Variants in TMEM272 observed in about 807,000 individuals in gnomAD.
TMEM272 encodes transmembrane protein 272.
TMEM272 carries 8 observed loss-of-function variants against 3.7 expected under a neutral mutation model. That is an observed-to-expected ratio of 2.17 (90% CI 1.27 to 3.91). TMEM272 has a LOEUF of 3.91. Among genes scored for constraint, TMEM272 ranks in the 30% most tolerant of loss-of-function variants. The pLI is 0.00. For missense variants in TMEM272, 166 were observed against 91.5 expected, an observed-to-expected ratio of 1.81 and a Z score of -3.32; for synonymous variants, 63 against 39.8, an observed-to-expected ratio of 1.58 and a Z score of -2.20.
intron 2 of TMEM272, among the ~76,000 whole-genome samples, chr13:51,827,575 T>C (rs574630425): frequency 1.3e-5 from 2 of 152,016 alleles, no homozygotes; most frequent in Non-Finnish European, 2.9e-5. Context: ...CAGTTCCCAC[T>C]GTCAGAGTCT....
At chr13:51,892,188 T>C in the TMEM272 span, among the ~76,000 whole-genome samples, 4 of 152,280 alleles carry the variant, frequency 2.6e-5, no homozygotes, top group Admixed American at 6.5e-5. Context: ...AGGACTAGTC[T>C]CTGCCCCTCA....
the TMEM272 span, among the ~76,000 whole-genome samples, chr13:51,899,640 A>G: frequency 6.6e-6 from 1 of 152,224 alleles, no homozygotes; most frequent in Non-Finnish European, 1.5e-5. Flanking sequence ...GTAGAAATTG[A>G]CAAACTGACC....
chr13:51,906,151 C>A, the TMEM272 span, among the ~76,000 whole-genome samples: 1 of 152,166 alleles, frequency 6.6e-6, no homozygotes, highest in Non-Finnish European at 1.5e-5. Context: ...CAGGGCTGGG[C>A]TGTACCTGGG....
the TMEM272 span, chr13:51,866,208 C>T: frequency 1.2e-5 from 10 of 849,792 alleles, no homozygotes; most frequent in East Asian, 2.8e-4. Context: ...CCAATAAAGT[C>T]CTGAGGCAAG....
the TMEM272 span, among the ~76,000 whole-genome samples, chr13:51,888,683 T>G: frequency 1.5e-5 from 2 of 131,308 alleles, no homozygotes; most frequent in East Asian, 4.7e-4. Context: ...TCTCACACTG[T>G]CGCCCAGACT....
At chr13:51,852,670 G>A in the TMEM272 span, among the ~76,000 whole-genome samples, 1 of 152,094 alleles carries the variant, frequency 6.6e-6, no homozygotes, top group Non-Finnish European at 1.5e-5. Flanking sequence ...ATGAGGTCAA[G>A]AGATCGAGAC....
the TMEM272 span, among the ~76,000 whole-genome samples, chr13:51,900,692 A>G: frequency 1.3e-5 from 2 of 152,242 alleles, no homozygotes; most frequent in Non-Finnish European, 2.9e-5. Flanking sequence ...TAGTAGCCAA[A>G]AAAAAATGGA....
the TMEM272 span, among the ~76,000 whole-genome samples, chr13:51,912,045 C>T: frequency 1.3e-5 from 2 of 152,102 alleles, no homozygotes; most frequent in African/African-American, 4.8e-5. Flanking sequence ...CAGTGTGGCA[C>T]CTCCCACCCT....
chr13:51,887,466 T>C, the TMEM272 span, among the ~76,000 whole-genome samples: 1 of 152,194 alleles, frequency 6.6e-6, no homozygotes, highest in Non-Finnish European at 1.5e-5. Context: ...AAGGAGATGA[T>C]ATTAACACAA....
the TMEM272 span, among the ~76,000 whole-genome samples, chr13:51,903,703 C>T: frequency 1.3e-5 from 2 of 152,184 alleles, no homozygotes; most frequent in South Asian, 2.1e-4. Flanking sequence ...TATTTCCAGA[C>T]TTCAGTGGCA....
In TMEM272 at chr13:51,814,228, C is replaced by A. The variant is rs1188980498; in HGVS notation, c.*2523G>T. The stretch of plus-strand genomic sequence containing the variant: ...GGTGTCATCCCTGGATTAAGCCAGA[C>A]TTCAAAGAACCACAGTTATAGACCA... On this transcript the variant is annotated 3_prime_UTR_variant, in exon 5 of 5. Coordinates refer to ENST00000629372, the MANE Select transcript of TMEM272 (RefSeq NM_001351003.2). 1 of 152,270 alleles carries A rather than the reference C, an allele frequency of 6.6e-6. No individual in the cohort carries two copies. Among genetic ancestry groups the A allele is most frequent in the African/African-American group, 2.4e-5 (1 of 41,458 alleles). 9.4% of individuals were successfully genotyped at this position (152,270 alleles called of 1,614,324 possible).
the TMEM272 span, among the ~76,000 whole-genome samples, chr13:51,920,719 G>A: frequency 1.3e-5 from 2 of 152,172 alleles, no homozygotes; most frequent in African/African-American, 2.4e-5. Flanking sequence ...TGTCTTCATG[G>A]CACTTTCCAC....
the TMEM272 span, among the ~76,000 whole-genome samples, chr13:51,927,291 T>C: frequency 2.0e-5 from 3 of 152,140 alleles, no homozygotes; most frequent in Non-Finnish European, 4.4e-5. Context: ...GGTTATTCTG[T>C]GATTAAATTC....
chr13:51,846,139 G>C (rs929328332), upstream of TMEM272, among the ~76,000 whole-genome samples: 1 of 152,172 alleles, frequency 6.6e-6, no homozygotes, highest in Admixed American at 6.5e-5. Flanking sequence ...TCTAGGGCTG[G>C]CCCTGCCACT....
intron 2 of TMEM272, 145 bp downstream of exon 2, chr13:51,838,328 A>C: frequency 1.5e-6 from 1 of 662,280 alleles, no homozygotes; most frequent in Admixed American, 2.2e-5. Context: ...AGGGCCGGAC[A>C]CTGTCTTCCC....
At chr13:51,844,132 T>G (rs1353306804) in intron 1 of TMEM272, among the ~76,000 whole-genome samples, 2 of 147,288 alleles carry the variant, frequency 1.4e-5, no homozygotes, top group Non-Finnish European at 3.0e-5. Context: ...ACATTCCCAG[T>G]TTTAGAGTTC....
the TMEM272 span, among the ~76,000 whole-genome samples, chr13:51,869,609 C>T: frequency 6.6e-6 from 1 of 151,990 alleles, no homozygotes; most frequent in Non-Finnish European, 1.5e-5. Context: ...CCTGCCTCAG[C>T]CTCCTGAGTA....
intron 2 of TMEM272, 98 bp from the exon 3 acceptor site, chr13:51,826,723 T>C (rs1956128940): frequency 4.4e-6 from 3 of 686,006 alleles, no homozygotes; most frequent in Non-Finnish European, 5.3e-6. Flanking sequence ...GAAACCTGAC[T>C]TTCTCTCCAG....
chr13:51,900,270 A>T, the TMEM272 span, among the ~76,000 whole-genome samples: 27 of 152,368 alleles, frequency 1.8e-4, no homozygotes, highest in Non-Finnish European at 7.4e-5. Context: ...AGTCCAGAAT[A>T]AATTAACTCT....
Sources: allele counts gnomAD v4.1 joint callset (sites outside exome capture counted in the v4.1 genomes callset), GRCh38; gene constraint gnomAD v4.1.1; transcripts MANE v1.5; gene names NCBI Gene and HGNC (gene_info 2026-07-23, HGNC 2026-07-21).